Variants in RAPH1 observed in about 807,000 individuals in gnomAD.
The protein encoded by RAPH1 is Ras association (RalGDS/AF-6) and pleckstrin homology domains 1.
A neutral mutation model predicts 88.1 loss-of-function variants in RAPH1; 18 were observed. That is an observed-to-expected ratio of 0.20 (90% confidence interval 0.14 to 0.30). The LOEUF is 0.30. RAPH1 is among the 10% of genes least tolerant of loss of function. The pLI, the probability that RAPH1 is intolerant of heterozygous loss-of-function variation, is 1.00. For missense variants in RAPH1, 1,448 were observed against 1,543.2 expected, an observed-to-expected ratio of 0.94 and a Z score of 1.03; for synonymous variants, 587 against 559.0, an observed-to-expected ratio of 1.05 and a Z score of -0.71.
At chr2:203,481,473 C>A (rs948204015) in intron 4 of RAPH1, among the ~76,000 whole-genome samples, 1 of 151,934 alleles carries the variant, frequency 6.6e-6, no homozygotes, top group African/African-American at 2.4e-5. Flanking sequence ...TTATTCTACT[C>A]TCCTTCTACT....
chr2:203,453,969 T>C (rs1559455278), intron 10 of RAPH1, among the ~76,000 whole-genome samples: 2 of 152,122 alleles, frequency 1.3e-5, no homozygotes, highest in Non-Finnish European at 2.9e-5. Flanking sequence ...TGGGCTATCA[T>C]GACTATAGTT....
chr2:203,461,203 A>C (rs2098523953), intron 6 of RAPH1, 46 bp downstream of exon 6: 1 of 1,290,546 alleles, frequency 7.7e-7, no homozygotes, highest in Non-Finnish European at 1.1e-6. Flanking sequence ...AAACTGATGA[A>C]ATTACACAAA....
chr2:203,445,367 A>T (rs2098508538), intron 12 of RAPH1: 1 of 184,886 alleles, frequency 5.4e-6, no homozygotes, highest in Admixed American at 5.9e-5. Flanking sequence ...TCATGTCTGC[A>T]TTACATTGAG....
At chr2:203,470,201 G>T in intron 4 of RAPH1, 2 of 1,316,370 alleles carry the variant, frequency 1.5e-6, no homozygotes, top group Non-Finnish European at 2.2e-6. Context: ...CTACCTACAA[G>T]GCAGTAAATA....
intron 4 of RAPH1, among the ~76,000 whole-genome samples, chr2:203,477,790 T>C (rs965427904): frequency 6.6e-6 from 1 of 152,164 alleles, no homozygotes; most frequent in African/African-American, 2.4e-5. Flanking sequence ...TCTCTGATAC[T>C]CAACTAATCA....
intron 1 of RAPH1, among the ~76,000 whole-genome samples, chr2:203,517,654 C>G (rs1169965953): frequency 6.6e-6 from 1 of 151,946 alleles, no homozygotes; most frequent in Admixed American, 6.6e-5. Flanking sequence ...TAATAGAAAC[C>G]ATATATAATG....
intron 4 of RAPH1, among the ~76,000 whole-genome samples, chr2:203,487,406 C>T (rs1197267921): frequency 6.0e-5 from 9 of 150,502 alleles, no homozygotes; most frequent in Admixed American, 5.3e-4. Flanking sequence ...TTTTTGTAGA[C>T]GGAGTCTTGC....
At chr2:203,444,127 AAG>A in intron 13 of RAPH1, 1 of 147,470 alleles carries the variant, frequency 6.8e-6, no homozygotes. Context: ...AAGAATAAAA[AAG>A]AAGAGAAAAA....
At chr2:203,449,873 A>AC (rs1473707855) in intron 10 of RAPH1, among the ~76,000 whole-genome samples, 4 of 152,050 alleles carry the variant, frequency 2.6e-5, no homozygotes, top group Non-Finnish European at 5.9e-5. Context: ...AAATACAAAA[A>AC]TTAGTTGGAC....
Position 203,439,493 on chromosome 2 carries a change from G to T in RAPH1, c.3697C>A (p.Pro1233Thr). Residue 1233 changes from proline (P) to threonine (T), a missense_variant, in exon 14 of 14, where the codon CCC becomes ACC. Transcript: ENST00000319170. ...ISGYATLRRG[P>T]PPAPPKRDQN... is the part of the protein sequence containing the mutation. ...TCTCTTTTGGGGGGAGCAGGAGGGG[G>T]TCCTCTCCGCAACGTTGCATAGCCT... 6.2e-7 allele frequency: 1 copy of T among 1,613,970 alleles called. No individual in the cohort carries two copies. Among genetic ancestry groups the T allele is most frequent in the Non-Finnish European group, 8.5e-7 (1 of 1,179,990 alleles).
chr2:203,442,026 T>G, intron 13 of RAPH1: 1 of 1,567,948 alleles, frequency 6.4e-7, no homozygotes, highest in Non-Finnish European at 8.6e-7. Flanking sequence ...GCATCCAACA[T>G]GCACAGAAGT....
chr2:203,519,390 T>G (rs1689765901), intron 1 of RAPH1, among the ~76,000 whole-genome samples: 1 of 152,092 alleles, frequency 6.6e-6, no homozygotes, highest in Non-Finnish European at 1.5e-5. Context: ...CTAAAAAAAT[T>G]TTTTTTAATC....
At chr2:203,444,132 G>C (rs2098506912) in intron 13 of RAPH1, 1 of 145,632 alleles carries the variant, frequency 6.9e-6, no homozygotes, top group Non-Finnish European at 1.5e-5. Context: ...TAAAAAAGAA[G>C]AGAAAAAAAG....
At chr2:203,463,953 GAACAGAGCACTACTTTAT>G (rs908247360) in intron 4 of RAPH1, among the ~76,000 whole-genome samples, 4 of 152,118 alleles carry the variant, frequency 2.6e-5, no homozygotes, top group African/African-American at 9.7e-5. Context: ...CGTTTTTGAT[GAACAGAGCACTACTTTAT>G]AAAGGAATCT....
chr2:203,448,697 A>C lies in RAPH1; in HGVS notation c.1512+41T>G. On this transcript the variant is annotated intron_variant, in intron 11 of 13. Coordinates refer to ENST00000319170, the MANE Select transcript of RAPH1 (RefSeq NM_213589.3). This position sits in a 1 kb window ranked among gnomAD's most constrained non-coding sequence, Gnocchi z 4.1. ...GAAAACGAAAACTATATCATCGACAAACACCTCATTATTCCATCATCAAAT... is the reference window on the plus strand; with the variant it reads ...GAAAACGAAAACTATATCATCGACACACACCTCATTATTCCATCATCAAAT... The C allele has an allele frequency of 7.4e-7, 1 of 1,358,164 alleles. No homozygotes were observed. Among genetic ancestry groups the C allele is most frequent in the South Asian group, 1.3e-5 (1 of 77,554 alleles). 84.1% of individuals were successfully genotyped at this position (1,358,164 alleles called of 1,614,324 possible).
chr2:203,461,753 A>G (rs1317265329), intron 5 of RAPH1, 95 bp downstream of exon 5: 5 of 855,846 alleles, frequency 5.8e-6, no homozygotes, highest in South Asian at 3.9e-5. Flanking sequence ...GTATCTCTCC[A>G]TATCTTAGAA....
intron 4 of RAPH1, among the ~76,000 whole-genome samples, chr2:203,472,379 G>A (rs1252443421): frequency 3.9e-4 from 60 of 152,104 alleles, no homozygotes; most frequent in African/African-American, 2.9e-4. Flanking sequence ...TGATCCGCCC[G>A]CCTTGGCCTC....
At chr2:203,519,789 G>A (rs894085067) in intron 1 of RAPH1, among the ~76,000 whole-genome samples, 1 of 152,076 alleles carries the variant, frequency 6.6e-6, no homozygotes, top group Non-Finnish European at 1.5e-5. Flanking sequence ...GGTCCTGTTG[G>A]ACAAATAATC....
intron 1 of RAPH1, among the ~76,000 whole-genome samples, chr2:203,524,410 G>A (rs531437317): frequency 3.3e-5 from 5 of 152,096 alleles, no homozygotes; most frequent in African/African-American, 4.8e-5. Flanking sequence ...AACCCAACAC[G>A]TCCTCATAGG....
Sources: gnomAD v4.1 joint callset for allele counts (sites outside exome capture counted in the v4.1 genomes callset) on GRCh38, gnomAD v4.1.1 for gene constraint, Gnocchi (gnomAD v3.1) non-coding constraint, MANE v1.5 for transcripts, NCBI Gene and HGNC (gene_info 2026-07-23, HGNC 2026-07-21) for gene names.